Variants in SLC25A26 observed in about 807,000 individuals in gnomAD.
SLC25A26 encodes solute carrier family 25 member 26, also known as mitochondrial S-adenosylmethionine carrier protein.
Under a neutral mutation model 37.8 loss-of-function variants are expected in SLC25A26, and 36 were observed. That is an observed-to-expected ratio of 0.95 (90% CI 0.73 to 1.26). The LOEUF is 1.26. Among genes scored for constraint, SLC25A26 ranks in the 50% most tolerant of loss-of-function variants. The pLI, the probability that SLC25A26 is intolerant of heterozygous loss-of-function variation, is 0.00. For synonymous variants in SLC25A26, 129 were observed against 122.5 expected (o/e 1.05, Z -0.35); for missense variants, 390 against 331.1 (o/e 1.18, Z -1.38).
intron 1 of SLC25A26, among the ~76,000 whole-genome samples, chr3:66,134,532 C>T (rs1031682368): frequency 6.6e-6 from 1 of 152,124 alleles, no homozygotes; most frequent in African/African-American, 2.4e-5. Flanking sequence ...GTTTGAGTCA[C>T]GATGAAATTA....
intron 5 of SLC25A26, among the ~76,000 whole-genome samples, chr3:66,343,962 A>C (rs907281852): frequency 2.0e-5 from 3 of 152,304 alleles, no homozygotes; most frequent in Admixed American, 1.3e-4. Context: ...ACTGTTATGG[A>C]ACTTCGACAT....
Position 66,346,356 on chromosome 3 carries a change from C to G in SLC25A26, c.454-8C>G, listed in dbSNP as rs976303544. The G allele has an allele frequency of 6.9e-7, 1 of 1,454,660 alleles. No homozygotes were observed. The highest frequency in any genetic ancestry group is 9.2e-7 in the Non-Finnish European group (1 of 1,089,414). 90.1% of individuals were successfully genotyped at this position (1,454,660 alleles called of 1,614,324 possible). On this transcript the variant is annotated splice_polypyrimidine_tract_variant and splice_region_variant and intron_variant, in intron 5 of 9. Coordinates refer to ENST00000354883, the MANE Select transcript of SLC25A26 (RefSeq NM_001379210.1). ...CTAATTTATTTAATTTTTTTTTTCT[C>G]TCTTCAGATTCCTTTTTCTTTGGTC...
intron 1 of SLC25A26, among the ~76,000 whole-genome samples, chr3:66,147,912 C>A (rs2106683527): frequency 6.6e-6 from 1 of 152,280 alleles, no homozygotes; most frequent in East Asian, 1.9e-4. Context: ...GCGTGTACCA[C>A]CATGCCCAGC....
intron 1 of SLC25A26, among the ~76,000 whole-genome samples, chr3:66,190,312 CAAAAAAA>C (rs1221431441): frequency 1.5e-5 from 2 of 132,966 alleles, no homozygotes; most frequent in African/African-American, 3.3e-5. Context: ...GAAACCCTGT[CAAAAAAA>C]AAAAAAGAAA....
chr3:66,378,919 T>TAAAAGTAATACTCCCTCTTTCA, exon 10 of SLC25A26: 1 of 152,778 alleles, frequency 6.5e-6, no homozygotes, highest in African/African-American at 2.4e-5. Context: ...ACTTTGTACA[T>TAAAAGTAATACTCCCTCTTTCA]AAAAGTAATA....
At chr3:66,295,384 T>C (rs2074863584) in intron 5 of SLC25A26, among the ~76,000 whole-genome samples, 1 of 148,082 alleles carries the variant, frequency 6.8e-6, no homozygotes. Flanking sequence ...CCACCATACC[T>C]GTCTAATTTT....
intron 1 of SLC25A26, among the ~76,000 whole-genome samples, chr3:66,179,294 T>C (rs1003333075): frequency 6.6e-6 from 1 of 152,228 alleles, no homozygotes; most frequent in African/African-American, 2.4e-5. Context: ...GATATTGATA[T>C]GTTTCTCCAG....
intron 5 of SLC25A26, chr3:66,324,141 A>AC (rs2075771490): frequency 1.6e-5 from 2 of 123,000 alleles, no homozygotes; most frequent in African/African-American, 7.8e-5. Flanking sequence ...AATGAAAAAA[A>AC]AGTGTGTCTT....
intron 3 of SLC25A26, among the ~76,000 whole-genome samples, chr3:66,244,867 C>G (rs1215445366): frequency 6.6e-6 from 1 of 151,800 alleles, no homozygotes; most frequent in Non-Finnish European, 1.5e-5. Flanking sequence ...GTCCCAGCTA[C>G]TTGGGAGGCT....
chr3:66,362,186 G>C (rs1330885528), intron 6 of SLC25A26, among the ~76,000 whole-genome samples: 2 of 152,080 alleles, frequency 1.3e-5, no homozygotes, highest in Admixed American at 6.6e-5. Flanking sequence ...TTCACCGCTA[G>C]GTATTTCCCC....
At chr3:66,169,639 A>G (rs140647882) in intron 1 of SLC25A26, among the ~76,000 whole-genome samples, 57,666 of 152,014 alleles carry the variant, frequency 0.38, 11,162 homozygotes, top group African/African-American at 0.44. Context: ...GTTCATATCT[A>G]TGTCACCAGT....
At position 66,170,241 on chromosome 3, in the gene SLC25A26, A is replaced by G. The variant is rs569116547; in HGVS notation, c.-354+36257A>G. The stretch of plus-strand genomic sequence containing the variant: ...GGAAATATATTTTGAAAATTGTGCT[A>G]ATTTCTCTGTTGTCCAAAACTGTGC... On this transcript the variant is annotated intron_variant, in intron 1 of 10. Coordinates refer to the SLC25A26 transcript ENST00000676754. Among the ~76,000 whole-genome samples, 72 of 152,324 alleles carry G rather than the reference A, an allele frequency of 4.7e-4. 2 individuals carry two copies. The highest frequency in any genetic ancestry group is 1.7e-3 in the African/African-American group (70 of 41,564).
intron 5 of SLC25A26, among the ~76,000 whole-genome samples, chr3:66,331,598 A>C (rs531959146): frequency 2.6e-5 from 4 of 152,088 alleles, no homozygotes; most frequent in Non-Finnish European, 5.9e-5. Flanking sequence ...TCTTTGCTGC[A>C]TATTTTAACT....
At chr3:66,255,884 G>A (rs2073279378) in intron 3 of SLC25A26, among the ~76,000 whole-genome samples, 1 of 152,162 alleles carries the variant, frequency 6.6e-6, no homozygotes, top group Non-Finnish European at 1.5e-5. Flanking sequence ...GCAGAAGTCA[G>A]GAAGCCATGC....
intron 1 of SLC25A26, among the ~76,000 whole-genome samples, chr3:66,154,189 C>G (rs1011462674): frequency 6.6e-6 from 1 of 152,112 alleles, no homozygotes; most frequent in Non-Finnish European, 1.5e-5. Context: ...TTCAGCCATC[C>G]ACCCTGTCTC....
chr3:66,318,267 G>C (rs1003764576), intron 5 of SLC25A26, among the ~76,000 whole-genome samples: 8 of 152,206 alleles, frequency 5.3e-5, no homozygotes, highest in African/African-American at 1.9e-4. Context: ...CCGTGATTCT[G>C]CACAGTTCTG....
chr3:66,308,205 G>A (rs1007253444), intron 5 of SLC25A26, among the ~76,000 whole-genome samples: 1 of 152,042 alleles, frequency 6.6e-6, no homozygotes, highest in Non-Finnish European at 1.5e-5. Context: ...TCTCCTTTAA[G>A]AGGTCCTTCA....
Position 66,145,137 on chromosome 3 carries a change from T to C in SLC25A26, c.-354+11153T>C, listed in dbSNP as rs1045847092. 2.1e-4 allele frequency among the ~76,000 whole-genome samples: 32 copies of C among 152,274 alleles called. 1 individual carries two copies. The highest frequency in any genetic ancestry group is 2.0e-3 in the Admixed American group (30 of 15,292). On this transcript the variant is annotated intron_variant, in intron 1 of 10. Coordinates refer to the SLC25A26 transcript ENST00000676754. The stretch of plus-strand genomic sequence containing the variant: ...GTTTATTAACAATGAAAAAAAAATC[T>C]ATATTTCCCCTGTCTTCTCTGAGCA...
intron 9 of SLC25A26, among the ~76,000 whole-genome samples, chr3:66,372,138 T>TG (rs1183674594): frequency 2.0e-5 from 3 of 152,156 alleles, no homozygotes; most frequent in African/African-American, 7.2e-5. Flanking sequence ...AAATAGCAAT[T>TG]GGGCTACATA....
Sources: gnomAD v4.1 joint callset for allele counts (sites outside exome capture counted in the v4.1 genomes callset) on GRCh38, gnomAD v4.1.1 for gene constraint, MANE v1.5 for transcripts, NCBI Gene and HGNC (gene_info 2026-07-23, HGNC 2026-07-21) for gene names.